The following ADSS2 variants were observed in gnomAD, a reference collection of about 807,000 sequenced individuals.
The protein encoded by ADSS2 is adenylosuccinate synthetase isozyme 2.
ADSS2 carries 30 observed loss-of-function variants against 60.0 expected under a neutral mutation model. The ratio of observed to expected loss-of-function variants is 0.50; its 90% CI spans 0.37 to 0.68. The LOEUF (loss-of-function observed/expected upper bound fraction) is 0.68. Ranked by LOEUF, ADSS2 falls within the 30% of genes least tolerant of loss-of-function variation. The pLI, the probability that ADSS2 is intolerant of heterozygous loss-of-function variation, is 0.00. For missense variants in ADSS2, 373 were observed against 554.8 expected (o/e 0.67, Z 3.29); for synonymous variants, 187 against 193.1 (o/e 0.97, Z 0.26).
intron 3 of ADSS2, among the ~76,000 whole-genome samples, chr1:244,433,859 TAAAAAAAAA>T (rs35132231): frequency 2.0e-3 from 190 of 94,964 alleles, no homozygotes; most frequent in Non-Finnish European, 3.3e-3. Flanking sequence ...ACTCCATCTT[TAAAAAAAAA>T]AAAAAAAAAA....
Position 244,415,920 on chromosome 1 carries a change from T to C in ADSS2, c.1168+61A>G. 3.2e-6 allele frequency: 4 copies of C among 1,242,756 alleles called. No individual in the cohort carries two copies. The South Asian group carries it at 3.9e-5, about 12-fold the overall frequency. The allele number at this position is 1,242,756 out of a possible 1,614,324, so 77.0% of individuals were successfully genotyped here. On this transcript the variant is annotated intron_variant, in intron 11 of 12. Coordinates refer to ENST00000366535, the MANE Select transcript of ADSS2 (RefSeq NM_001126.5). ...TCACAAATTATATGGAAGAGCTTTATGAAACTGCTCTAATACATTCACCTT... is the reference window on the plus strand; with the variant it reads ...TCACAAATTATATGGAAGAGCTTTACGAAACTGCTCTAATACATTCACCTT...
At chr1:244,438,742 C>T (rs1295752326) in intron 1 of ADSS2, among the ~76,000 whole-genome samples, 1 of 152,062 alleles carries the variant, frequency 6.6e-6, no homozygotes, top group Non-Finnish European at 1.5e-5. Flanking sequence ...CTAGGCTGAT[C>T]GTGAGGCTAT....
At chr1:244,441,225 AT>A (rs1434242162) in intron 1 of ADSS2, among the ~76,000 whole-genome samples, 1 of 151,884 alleles carries the variant, frequency 6.6e-6, no homozygotes, top group African/African-American at 2.4e-5. Flanking sequence ...TGCCCGGCTA[AT>A]TTTTTGTATT....
chr1:244,425,442 C>T (rs1017751284), intron 4 of ADSS2, among the ~76,000 whole-genome samples: 9 of 151,926 alleles, frequency 5.9e-5, no homozygotes, highest in African/African-American at 2.2e-4. Flanking sequence ...AACAGAAAGA[C>T]TGATATAAGG....
chr1:244,422,596 G>A (rs1003291286), intron 7 of ADSS2, among the ~76,000 whole-genome samples: 11 of 152,194 alleles, frequency 7.2e-5, no homozygotes, highest in African/African-American at 2.2e-4. Flanking sequence ...TAAACTCCCT[G>A]TCACTGCACA....
chr1:244,441,060 C>CTT (rs557199255), intron 1 of ADSS2, among the ~76,000 whole-genome samples: 43 of 137,986 alleles, frequency 3.1e-4, no homozygotes, highest in Middle Eastern at 7.4e-3. Context: ...TTAACTTAGT[C>CTT]TTTTTTTTTT....
In ADSS2 at chr1:244,415,990, G is replaced by A. The variant is rs1292081093; in HGVS notation, c.1159C>T (p.His387Tyr). The A allele has an allele frequency of 6.2e-7, 1 of 1,606,894 alleles. No individual in the cohort carries two copies. Among genetic ancestry groups the A allele is most frequent in the South Asian group, 1.1e-5 (1 of 90,856 alleles). The change falls in exon 11 of 13, where the codon CAT becomes TAT. Residue 387 changes from histidine to tyrosine, a missense_variant. Transcript: ENST00000366535. ...GCCTAAAAGAAAATACCTGGGATATGAGGTATGATTTCACCATCTAACTTG... is the reference window on the plus strand; with the variant it reads ...GCCTAAAAGAAAATACCTGGGATATAAGGTATGATTTCACCATCTAACTTG... ...AYKLDGEIIP[H>Y]IPANQEVLNK...
Position 244,446,987 on chromosome 1 carries a change from A to G in ADSS2, c.183+4648T>C, listed in dbSNP as rs558942111. 2.6e-5 allele frequency among the ~76,000 whole-genome samples: 4 copies of G among 152,332 alleles called. No homozygotes were observed. In the South Asian group the frequency reaches 8.3e-4, roughly 32 times the overall value. ...AAATCTCATGGAGCCTCTTTTCAAA[A>G]AAGAATTTTGTTATATGAATCAAAT... is the stretch of plus-strand genomic sequence containing the variant. On this transcript the variant is annotated intron_variant, in intron 1 of 12. Coordinates refer to ENST00000366535, the MANE Select transcript of ADSS2 (RefSeq NM_001126.5).
At chr1:244,440,506 G>A (rs912444321) in intron 1 of ADSS2, among the ~76,000 whole-genome samples, 7 of 152,178 alleles carry the variant, frequency 4.6e-5, no homozygotes, top group Non-Finnish European at 1.0e-4. Flanking sequence ...GACGGAAACA[G>A]GGATGATGGG....
At chr1:244,439,666 A>C (rs1168682607) in intron 1 of ADSS2, among the ~76,000 whole-genome samples, 1 of 152,168 alleles carries the variant, frequency 6.6e-6, no homozygotes, top group Non-Finnish European at 1.5e-5. Flanking sequence ...GTGTCTCACT[A>C]GGTCACATGC....
intron 4 of ADSS2, 110 bp downstream of exon 4, chr1:244,432,435 C>A: frequency 1.3e-6 from 1 of 785,326 alleles, no homozygotes; most frequent in Non-Finnish European, 2.0e-6. Flanking sequence ...TACAATCCAT[C>A]CTACTTACGC....
chr1:244,433,832 C>T (rs369673802), intron 3 of ADSS2, among the ~76,000 whole-genome samples: 1 of 139,840 alleles, frequency 7.2e-6, no homozygotes, highest in East Asian at 2.2e-4. Context: ...TGCACTCCAG[C>T]CTGGCAACAG....
intron 9 of ADSS2, 60 bp downstream of exon 9, chr1:244,418,700 A>C: frequency 6.9e-7 from 1 of 1,457,032 alleles, no homozygotes; most frequent in Non-Finnish European, 9.2e-7. Context: ...TAATTCATTA[A>C]GAAAAAAAAG....
At position 244,426,121 on chromosome 1, in the gene ADSS2, G is replaced by C. The variant is rs886626149; in HGVS notation, c.407-1734C>G. ...ATTGCCCAAGCAATAGTCTTTCTCAGTTACTTGAGAGGCCAGAATAGTTCT... is the reference window on the plus strand; with the variant it reads ...ATTGCCCAAGCAATAGTCTTTCTCACTTACTTGAGAGGCCAGAATAGTTCT... On this transcript the variant is annotated intron_variant, in intron 4 of 12. Transcript: ENST00000366535. Among the ~76,000 whole-genome samples the C allele has an allele frequency of 2.0e-5, 3 of 152,204 alleles. No homozygotes were observed. The East Asian group carries it at 5.8e-4, about 29-fold the overall frequency.
At chr1:244,432,660 C>CTTTT (rs532312490) in intron 3 of ADSS2, 65 bp from the exon 4 acceptor site, 8,653 of 384,680 alleles carry the variant, frequency 0.022, 39 homozygotes, top group South Asian at 0.036. Context: ...ATCTTAATTT[C>CTTTT]TTTTTTTTTT....
Position 244,408,754 on chromosome 1 carries a change from C to T in ADSS2, c.*832G>A, listed in dbSNP as rs995126994. The stretch of plus-strand genomic sequence containing the variant: ...TATCGGCAGGCACGATGTTGAAAAC[C>T]AATCCACTAGATTTAAAATTAATGG... On this transcript the variant is annotated 3_prime_UTR_variant, in exon 13 of 13. Transcript: ENST00000366535. 6.6e-6 allele frequency: 1 copy of T among 151,592 alleles called. No individual in the cohort carries two copies. Among genetic ancestry groups the T allele is most frequent in the African/African-American group, 2.4e-5 (1 of 41,126 alleles). 9.4% of individuals were successfully genotyped at this position (151,592 alleles called of 1,614,324 possible). A position where few individuals can be genotyped will look rare whatever the true frequency, so the allele number is the denominator to read the frequency against.
At chr1:244,437,805 T>G in intron 1 of ADSS2, 37 bp from the exon 2 acceptor site, 3 of 1,419,412 alleles carry the variant, frequency 2.1e-6, no homozygotes, top group Non-Finnish European at 1.0e-6. Flanking sequence ...AGCCTGATGA[T>G]AAATACTACA....
At chr1:244,437,007 A>G (rs1208174440) in intron 2 of ADSS2, 114 bp from the exon 3 acceptor site, 18 of 799,576 alleles carry the variant, frequency 2.3e-5, no homozygotes, top group Non-Finnish European at 3.2e-5. Context: ...CAAGTTTTAC[A>G]CAGGAGTATA....
intron 11 of ADSS2, among the ~76,000 whole-genome samples, chr1:244,414,836 T>C (rs902675422): frequency 3.3e-5 from 5 of 152,230 alleles, no homozygotes; most frequent in African/African-American, 7.2e-5. Flanking sequence ...GGCTAGTTGT[T>C]GGGAGGCACA....
Sources: allele counts gnomAD v4.1 joint callset (sites outside exome capture counted in the v4.1 genomes callset), GRCh38; gene constraint gnomAD v4.1.1; transcripts MANE v1.5; gene names NCBI Gene and HGNC (gene_info 2026-07-23, HGNC 2026-07-21).